Variants in MAPK10 observed in about 807,000 individuals in gnomAD.
MAPK10 encodes the protein JNK3 alpha protein kinase.
Under a neutral mutation model 59.3 loss-of-function variants are expected in MAPK10, and 25 were observed. That is an observed-to-expected ratio of 0.42 (90% CI 0.31 to 0.59). The LOEUF (loss-of-function observed/expected upper bound fraction) is 0.59. MAPK10 is among the 20% of genes least tolerant of loss of function. The pLI, the probability that MAPK10 is intolerant of heterozygous loss-of-function variation, is 0.15. For missense variants in MAPK10, 351 were observed against 568.9 expected, an observed-to-expected ratio of 0.62 and a Z score of 3.90; for synonymous variants, 190 against 200.5, an observed-to-expected ratio of 0.95 and a Z score of 0.44.
In MAPK10 at chr4:86,217,810, TTA is replaced by T. The variant is rs138137476; in HGVS notation, c.-6-23405_-6-23404del. ...TATATGGTAAATGCTATATATATGCTTATATATATAATTTTGATAGATCAGTA... is the reference window on the plus strand; with the variant it reads ...TATATGGTAAATGCTATATATATGCTTATATATAATTTTGATAGATCAGTA... On this transcript the variant is annotated intron_variant, in intron 2 of 13. Transcript: ENST00000641462. Among the ~76,000 whole-genome samples, 5 of 152,004 alleles carry T rather than the reference TTA, an allele frequency of 3.3e-5. No homozygotes were observed. The East Asian group carries it at 9.6e-4, about 29-fold the overall frequency.
intron 1 of MAPK10, among the ~76,000 whole-genome samples, chr4:86,579,141 G>T (rs1762091358): frequency 6.6e-6 from 1 of 152,178 alleles, no homozygotes; most frequent in African/African-American, 2.4e-5. Flanking sequence ...AAGATAGGAA[G>T]AAAGATACAA....
At chr4:86,145,058 T>C (rs1196870380) in intron 4 of MAPK10, among the ~76,000 whole-genome samples, 2 of 152,186 alleles carry the variant, frequency 1.3e-5, no homozygotes, top group Non-Finnish European at 2.9e-5. Context: ...TTTATCCTCC[T>C]TAAAATACAA....
chr4:86,529,255 G>A (rs987890299), intron 1 of MAPK10, among the ~76,000 whole-genome samples: 11 of 152,140 alleles, frequency 7.2e-5, no homozygotes, highest in Non-Finnish European at 1.6e-4. Flanking sequence ...AGGCTTGGTG[G>A]CATTCTCCAC....
chr4:86,011,479 A>G lies in MAPK10; in HGVS notation c.*5749T>C, dbSNP rs1741428854. The G allele has an allele frequency of 6.6e-6, 1 of 152,220 alleles. No individual in the cohort carries two copies. The highest frequency in any genetic ancestry group is 1.5e-5 in the Non-Finnish European group (1 of 68,046). The allele number at this position is 152,220 out of a possible 1,614,324, so 9.4% of individuals were successfully genotyped here. On this transcript the variant is annotated 3_prime_UTR_variant, in exon 14 of 14. Transcript: ENST00000641462. ...GGTTGCTCCATAAGTAATCTTCAAG[A>G]AAAGCAAGTCCAACACCCTTTTTTC...
At chr4:86,245,226 G>C (rs182528204) in intron 2 of MAPK10, among the ~76,000 whole-genome samples, 16 of 152,044 alleles carry the variant, frequency 1.1e-4, no homozygotes, top group African/African-American at 3.4e-4. Context: ...ATATTCGAGT[G>C]CTTTGAAAAC....
At chr4:86,543,442 T>C (rs1440851564) in intron 1 of MAPK10, among the ~76,000 whole-genome samples, 3 of 152,078 alleles carry the variant, frequency 2.0e-5, no homozygotes, top group Non-Finnish European at 2.9e-5. Context: ...GAGTGACATA[T>C]GCCCTGAGAC....
intron 1 of MAPK10, among the ~76,000 whole-genome samples, chr4:86,410,906 T>A (rs1745081111): frequency 6.6e-6 from 1 of 152,186 alleles, no homozygotes; most frequent in South Asian, 2.1e-4. Context: ...ATCCTTCAGC[T>A]CTGCTCTGAT....
intron 11 of MAPK10, among the ~76,000 whole-genome samples, chr4:86,038,551 C>T (rs910744906): frequency 8.6e-6 from 1 of 116,902 alleles, no homozygotes; most frequent in Non-Finnish European, 1.8e-5. Context: ...ATAGAGTTTT[C>T]TAATTTTTTT....
intron 4 of MAPK10, among the ~76,000 whole-genome samples, chr4:86,115,247 C>T (rs968750823): frequency 1.2e-4 from 18 of 152,126 alleles, no homozygotes; most frequent in Non-Finnish European, 1.9e-4. Flanking sequence ...GTTTCCCAGG[C>T]GGGGCAGCGC....
chr4:86,363,234 C>G (rs1042700438), upstream of MAPK10, among the ~76,000 whole-genome samples: 3 of 152,068 alleles, frequency 2.0e-5, no homozygotes, highest in Admixed American at 2.0e-4. Flanking sequence ...TTACTTTGTA[C>G]TAGTTATTAT....
rs567385266 is a variant in MAPK10 at position 86,283,589 on chromosome 4, AC to A, written c.-7+70940del. Among the ~76,000 whole-genome samples the A allele has an allele frequency of 3.3e-4, 50 of 152,320 alleles. No individual in the cohort carries two copies. In the East Asian group the frequency reaches 9.2e-3, roughly 28 times the overall value. On this transcript the variant is annotated intron_variant, in intron 2 of 13. Coordinates refer to ENST00000641462, the MANE Select transcript of MAPK10 (RefSeq NM_138982.4). ...GAAGGCTGGAGCTGTGCCAATTTTAACTTATTTTTTACAGCATTTGGGTAAA... is the reference window on the plus strand; with the variant it reads ...GAAGGCTGGAGCTGTGCCAATTTTAATTATTTTTTACAGCATTTGGGTAAA...
intron 3 of MAPK10, among the ~76,000 whole-genome samples, chr4:86,170,582 G>C (rs2073806834): frequency 6.6e-6 from 1 of 151,738 alleles, no homozygotes; most frequent in Non-Finnish European, 1.5e-5. Context: ...AGCAAGTCCT[G>C]AGTGACCTAC....
intron 1 of MAPK10, among the ~76,000 whole-genome samples, chr4:86,438,807 A>G (rs1176730112): frequency 6.6e-6 from 1 of 152,120 alleles, no homozygotes; most frequent in East Asian, 1.9e-4. Flanking sequence ...GACTCGAGCA[A>G]AGGAAGAAAG....
chr4:86,514,287 A>T (rs1348919499), intron 1 of MAPK10, among the ~76,000 whole-genome samples: 4 of 152,204 alleles, frequency 2.6e-5, no homozygotes, highest in Non-Finnish European at 5.9e-5. Context: ...TTTTGTAAGA[A>T]CATCTGCCCA....
At chr4:86,420,692 G>C (rs1458806706) in intron 1 of MAPK10, among the ~76,000 whole-genome samples, 1 of 152,186 alleles carries the variant, frequency 6.6e-6, no homozygotes, top group Non-Finnish European at 1.5e-5. Flanking sequence ...AGGGGGCTGA[G>C]GTGGGAGGAT....
chr4:86,481,349 T>C (rs368965544), intron 1 of MAPK10, among the ~76,000 whole-genome samples: 40 of 151,460 alleles, frequency 2.6e-4, no homozygotes, highest in Non-Finnish European at 4.4e-4. Flanking sequence ...ATCAGCATAC[T>C]AAAGCACCTT....
intron 1 of MAPK10, among the ~76,000 whole-genome samples, chr4:86,585,882 T>G (rs1200315988): frequency 6.6e-6 from 1 of 152,236 alleles, no homozygotes; most frequent in Non-Finnish European, 1.5e-5. Flanking sequence ...CTGTTTAAAT[T>G]AAATGCTCTA....
intron 4 of MAPK10, among the ~76,000 whole-genome samples, chr4:86,129,765 TC>T (rs952180979): frequency 2.0e-5 from 3 of 152,066 alleles, no homozygotes; most frequent in African/African-American, 7.2e-5. Flanking sequence ...CCCCAATGCA[TC>T]CTGCTTTTGT....
chr4:86,215,994 T>G (rs2087436830), intron 2 of MAPK10, among the ~76,000 whole-genome samples: 1 of 152,046 alleles, frequency 6.6e-6, no homozygotes, highest in Admixed American at 6.6e-5. Flanking sequence ...TGTGGAGAGA[T>G]ATGAACCCTT....
Sources: gnomAD v4.1 joint callset for allele counts (sites outside exome capture counted in the v4.1 genomes callset) on GRCh38, gnomAD v4.1.1 for gene constraint, MANE v1.5 for transcripts, NCBI Gene and HGNC (gene_info 2026-07-23, HGNC 2026-07-21) for gene names.